The following TRPA1 variants were observed in gnomAD, a reference collection of about 807,000 sequenced individuals.
TRPA1 encodes transient receptor potential cation channel subfamily A member 1.
Under a neutral mutation model 131.3 loss-of-function variants are expected in TRPA1, and 129 were observed. The ratio of observed to expected loss-of-function variants is 0.98; its 90% CI spans 0.85 to 1.14. The LOEUF is 1.14. TRPA1 is among the 50% of genes most tolerant of loss of function. The pLI is 0.00. For synonymous variants in TRPA1, 441 were observed against 451.7 expected, an observed-to-expected ratio of 0.98 and a Z score of 0.30; for missense variants, 1,304 against 1,354.2, an observed-to-expected ratio of 0.96 and a Z score of 0.58.
chr8:72,050,924 T>C (rs1585868421), intron 14 of TRPA1, 53 bp from the exon 15 acceptor site: 2 of 1,254,154 alleles, frequency 1.6e-6, no homozygotes, highest in African/African-American at 2.9e-5. Context: ...TTCTGTTCTG[T>C]ACAACAGCTG....
chr8:72,060,418 AGTTTGAGAATTTCTG>A (rs1805780114), intron 7 of TRPA1: 1 of 152,142 alleles, frequency 6.6e-6, no homozygotes, highest in African/African-American at 2.4e-5. Context: ...AATGTGCAAC[AGTTTGAGAATTTCTG>A]GTCTAGAGGT....
At chr8:72,046,971 G>A (rs1179079739) in intron 16 of TRPA1, among the ~76,000 whole-genome samples, 177 bp downstream of exon 16, 2 of 151,772 alleles carry the variant, frequency 1.3e-5, no homozygotes, top group Admixed American at 6.6e-5. Context: ...TAAAATATTC[G>A]GGGAAAACTG....
chr8:72,068,034 C>G (rs768136175), intron 3 of TRPA1, among the ~76,000 whole-genome samples: 1 of 152,172 alleles, frequency 6.6e-6, no homozygotes, highest in East Asian at 1.9e-4. Context: ...ACATTTGATT[C>G]CAATATCACG....
At chr8:72,073,703 A>G (rs976837079) in intron 1 of TRPA1, among the ~76,000 whole-genome samples, 2 of 152,232 alleles carry the variant, frequency 1.3e-5, no homozygotes, top group African/African-American at 4.8e-5. Flanking sequence ...TAATTTTGAG[A>G]CTCGCTGCTA....
intron 5 of TRPA1, among the ~76,000 whole-genome samples, chr8:72,063,227 A>G (rs1176530437): frequency 6.6e-6 from 1 of 152,008 alleles, no homozygotes; most frequent in East Asian, 1.9e-4. Context: ...TAAAAATACA[A>G]AAAATTAGAT....
intron 26 of TRPA1, 72 bp downstream of exon 26, chr8:72,023,742 T>C: frequency 1.1e-6 from 1 of 909,448 alleles, no homozygotes; most frequent in Non-Finnish European, 1.8e-6. Context: ...ATATAAAATA[T>C]AATCTTACAT....
At chr8:72,052,251 G>A (rs868488962) in intron 14 of TRPA1, among the ~76,000 whole-genome samples, 11 of 152,136 alleles carry the variant, frequency 7.2e-5, no homozygotes, top group Middle Eastern at 3.4e-3. Flanking sequence ...GTGAAACCAC[G>A]TCTCAATGAA....
At chr8:72,086,951 C>A in the TRPA1 span, among the ~76,000 whole-genome samples, 1 of 152,210 alleles carries the variant, frequency 6.6e-6, no homozygotes, top group Admixed American at 6.5e-5. Flanking sequence ...GATCCCAGTA[C>A]TAAAATGGCC....
At chr8:72,052,267 C>A (rs944091579) in intron 14 of TRPA1, among the ~76,000 whole-genome samples, 1 of 152,064 alleles carries the variant, frequency 6.6e-6, no homozygotes, top group African/African-American at 2.4e-5. Flanking sequence ...ATGAAAAATA[C>A]AAAAATTAGC....
rs1171364477 is a variant in TRPA1 at position 72,029,943 on chromosome 8, A to G, written c.2895T>C (p.Ala965=). ...TCAATGATGCATGTTTCTGGACCTCAGCAATGTCGCCAACTGCCAAACCAA... is the reference window on the plus strand; with the variant it reads ...TCAATGATGCATGTTTCTGGACCTCGGCAATGTCGCCAACTGCCAAACCAA... ...LLIGLAVGDI[A]EVQKHASLKR... The change falls in exon 24 of 27, where the codon GCT becomes GCC. Residue 965 remains alanine (A), a synonymous_variant. Transcript: ENST00000262209. 6.2e-7 allele frequency: 1 copy of G among 1,613,958 alleles called. No homozygotes were observed. Among genetic ancestry groups the G allele is most frequent in the Admixed American group, 1.7e-5 (1 of 60,010 alleles).
chr8:72,050,895 T>C, intron 14 of TRPA1, 24 bp from the exon 15 acceptor site: 2 of 1,482,736 alleles, frequency 1.3e-6, no homozygotes, highest in Non-Finnish European at 9.4e-7. Flanking sequence ...ATAAGTAAGA[T>C]AAGCACAGGT....
chr8:72,047,218 GA>G lies in TRPA1; in HGVS notation c.1906-12del. Reference sequence around the variant, plus strand: ...GAAATCTAAAAGTACCTTTGAAAGAGAAAAACCAGCTAAGATATTGGGGCAG... The same window carrying G: ...GAAATCTAAAAGTACCTTTGAAAGAGAAAACCAGCTAAGATATTGGGGCAG... On this transcript the variant is annotated splice_polypyrimidine_tract_variant and intron_variant, in intron 15 of 26. Transcript: ENST00000262209. The G allele has an allele frequency of 6.2e-7, 1 of 1,608,274 alleles. No homozygotes were observed. The highest frequency in any genetic ancestry group is 8.5e-7 in the Non-Finnish European group (1 of 1,175,428).
intron 17 of TRPA1, 37 bp from the exon 18 acceptor site, chr8:72,039,834 A>G (rs754516882): frequency 4.5e-6 from 6 of 1,322,932 alleles, no homozygotes. Context: ...AAACACAATC[A>G]TAATCAACTA....
chr8:72,035,400 C>T (rs1352001705), intron 21 of TRPA1, among the ~76,000 whole-genome samples: 1 of 152,158 alleles, frequency 6.6e-6, no homozygotes, highest in Admixed American at 6.5e-5. Flanking sequence ...GTGCTTATGA[C>T]ACAGCAATGC....
intron 3 of TRPA1, among the ~76,000 whole-genome samples, chr8:72,067,483 G>A (rs2383846): frequency 0.69 from 104,724 of 151,946 alleles, 37,084 homozygotes; most frequent in East Asian, 0.98. Flanking sequence ...TGAATCAGTT[G>A]GGAGCTTTAT....
At chr8:72,024,245 C>T (rs762520609) in intron 25 of TRPA1, among the ~76,000 whole-genome samples, 6 of 152,192 alleles carry the variant, frequency 3.9e-5, no homozygotes, top group Non-Finnish European at 7.3e-5. Flanking sequence ...ATACGAGATT[C>T]ATTGTTAATT....
chr8:72,059,456 T>A lies in TRPA1; in HGVS notation c.945-18A>T. On this transcript the variant is annotated intron_variant, in intron 7 of 26. Transcript: ENST00000262209. The stretch of plus-strand genomic sequence containing the variant: ...ATGAAGCTCTGAAAAAACAGAATTA[T>A]AAACATTATAATTAAAGTACTATTG... The A allele has an allele frequency of 6.7e-7, 1 of 1,490,230 alleles. No homozygotes were observed. Among genetic ancestry groups the A allele is most frequent in the Non-Finnish European group, 9.3e-7 (1 of 1,077,306 alleles). The allele number at this position is 1,490,230 out of a possible 1,614,324, so 92.3% of individuals were successfully genotyped here. A position where few individuals can be genotyped will look rare whatever the true frequency, so the allele number is the denominator to read the frequency against.
At chr8:72,073,496 G>A (rs1173444631) in intron 1 of TRPA1, among the ~76,000 whole-genome samples, 2 of 152,108 alleles carry the variant, frequency 1.3e-5, no homozygotes, top group Admixed American at 6.5e-5. Flanking sequence ...ACCCTTCATA[G>A]TGTTATATAT....
chr8:72,022,643 A>G lies in TRPA1; in HGVS notation c.*263T>C. The G allele has an allele frequency of 1.9e-6, 1 of 532,188 alleles. No homozygotes were observed. The highest frequency in any genetic ancestry group is 3.4e-6 in the Non-Finnish European group (1 of 294,836). The allele number at this position is 532,188 out of a possible 1,614,324, so 33.0% of individuals were successfully genotyped here. On this transcript the variant is annotated 3_prime_UTR_variant, in exon 27 of 27. Coordinates refer to ENST00000262209, the MANE Select transcript of TRPA1 (RefSeq NM_007332.3). ...GTGTGTTCTAGCAAATTCATTTTCT[A>G]CCCATTCAAATAATGAGATTATATC...
Sources: gnomAD v4.1 joint callset for allele counts (sites outside exome capture counted in the v4.1 genomes callset) on GRCh38, gnomAD v4.1.1 for gene constraint, MANE v1.5 for transcripts, NCBI Gene and HGNC (gene_info 2026-07-23, HGNC 2026-07-21) for gene names.